ASB2: variants seen among roughly 807,000 people sequenced by gnomAD.
ASB2 encodes the protein ankyrin repeat and SOCS box containing 2, also known as ankyrin repeat and SOCS box protein 2.
ASB2 carries 58 observed loss-of-function variants against 62.4 expected under a neutral mutation model. The observed-to-expected ratio is 0.93, with a 90% CI of 0.75 to 1.16. ASB2 has a LOEUF of 1.16. ASB2 is among the 50% of genes most tolerant of loss of function. The pLI is 0.00. For synonymous variants in ASB2, 386 were observed against 385.3 expected, an observed-to-expected ratio of 1.00 and a Z score of -0.02; for missense variants, 928 against 887.9, an observed-to-expected ratio of 1.05 and a Z score of -0.57.
At chr14:93,968,869 G>GTGAA (rs10682557) in intron 1 of ASB2, among the ~76,000 whole-genome samples, 89,113 of 151,642 alleles carry the variant, frequency 0.59, 27,061 homozygotes, top group East Asian at 0.98. Flanking sequence ...AGATGGACAG[G>GTGAA]TGAATGATAG....
At chr14:93,973,380 A>T (rs934854534) in intron 1 of ASB2, among the ~76,000 whole-genome samples, 1 of 152,186 alleles carries the variant, frequency 6.6e-6, no homozygotes, top group African/African-American at 2.4e-5. Flanking sequence ...TGAGGATGCC[A>T]CTCCAAAAAG....
intron 5 of ASB2, among the ~76,000 whole-genome samples, chr14:93,952,359 G>A (rs773710601): frequency 7.2e-5 from 11 of 152,240 alleles, no homozygotes; most frequent in Non-Finnish European, 1.2e-4. Context: ...TAGCCATGGC[G>A]CCCTGGCAGG....
intron 7 of ASB2, among the ~76,000 whole-genome samples, chr14:93,942,886 T>C (rs1888582600): frequency 6.6e-6 from 1 of 152,220 alleles, no homozygotes; most frequent in Non-Finnish European, 1.5e-5. Flanking sequence ...GTGATAGCTA[T>C]AGCTACCCTT....
chr14:93,968,972 C>T (rs994622986), intron 1 of ASB2, among the ~76,000 whole-genome samples: 2 of 152,242 alleles, frequency 1.3e-5, no homozygotes, highest in Non-Finnish European at 2.9e-5. Context: ...AAATTTCCTA[C>T]CCCACTGTGG....
intron 2 of ASB2, among the ~76,000 whole-genome samples, chr14:93,960,402 GGGT>G (rs1424652690): frequency 6.6e-6 from 1 of 152,218 alleles, no homozygotes; most frequent in East Asian, 1.9e-4. Context: ...GAGTAAGTGT[GGGT>G]GGCTTGATTT....
intron 1 of ASB2, among the ~76,000 whole-genome samples, chr14:93,965,336 A>G (rs1212393490): frequency 6.6e-6 from 1 of 152,256 alleles, no homozygotes; most frequent in Non-Finnish European, 1.5e-5. Context: ...AGGATTGCAT[A>G]CCAGTTACCA....
intron 1 of ASB2, among the ~76,000 whole-genome samples, chr14:93,974,415 C>G (rs1889850557): frequency 6.6e-6 from 1 of 152,248 alleles, no homozygotes; most frequent in Non-Finnish European, 1.5e-5. Context: ...TGACAGCTGG[C>G]TCCTGTGGGC....
chr14:93,951,297 A>C, intron 5 of ASB2, 53 bp from the exon 6 acceptor site: 1 of 1,541,012 alleles, frequency 6.5e-7, no homozygotes, highest in Non-Finnish European at 8.7e-7. Flanking sequence ...GGAACTGGCC[A>C]GCAGAGACTG....
Position 93,964,583 on chromosome 14 carries a change from G to A in ASB2, c.-44C>T. On this transcript the variant is annotated 5_prime_UTR_variant, in exon 2 of 10. Transcript: ENST00000555019. ...CTGGCCTCCAGAACAGACACCCAGT[G>A]GGGAGGAGGGAACAGCAAATCAGAA... 3 of 1,515,764 alleles carry A rather than the reference G, an allele frequency of 2.0e-6. No individual in the cohort carries two copies. The highest frequency in any genetic ancestry group is 2.7e-5 in the African/African-American group (2 of 72,740). 93.9% of individuals were successfully genotyped at this position (1,515,764 alleles called of 1,614,324 possible).
chr14:93,957,278 C>T (rs939343819), intron 2 of ASB2: 43 of 1,130,822 alleles, frequency 3.8e-5, no homozygotes, highest in African/African-American at 6.5e-5. Flanking sequence ...CAGATCCCTG[C>T]GGGGCTGGAT....
In ASB2 at chr14:93,951,170, G is replaced by T. The variant is rs755836168; in HGVS notation, c.709C>A (p.Arg237Ser). 8 of 1,613,910 alleles carry T rather than the reference G, an allele frequency of 5.0e-6. No homozygotes were observed. The highest frequency in any genetic ancestry group is 5.9e-6 in the Non-Finnish European group (7 of 1,179,956). The change falls in exon 6 of 10, where the codon CGC becomes AGC. Residue 237 changes from arginine to serine, a missense_variant. Transcript: ENST00000555019. ...GACTCGTGCAGAGCGGTCCAGCCGC[G>T]GTTGCAGCGGTGGTTGGTGTCTGCA... is the stretch of plus-strand genomic sequence containing the variant. ...HNADTNHRCN[R>S]GWTALHESVS... is the part of the protein sequence containing the mutation.
intron 1 of ASB2, among the ~76,000 whole-genome samples, chr14:93,967,614 C>T (rs1347584715): frequency 1.3e-5 from 2 of 152,234 alleles, no homozygotes; most frequent in African/African-American, 4.8e-5. Flanking sequence ...GCCTCAGTTT[C>T]CTCATTGCAA....
At chr14:93,936,359 T>C (rs1595297188) in intron 9 of ASB2, among the ~76,000 whole-genome samples, 1 of 152,190 alleles carries the variant, frequency 6.6e-6, no homozygotes, top group African/African-American at 2.4e-5. Context: ...CCCTGGGGCA[T>C]GGTTTAGTTG....
At chr14:93,966,879 C>A (rs61980695) in intron 1 of ASB2, among the ~76,000 whole-genome samples, 153 of 152,258 alleles carry the variant, frequency 1.0e-3, no homozygotes, top group Non-Finnish European at 1.7e-3. Flanking sequence ...GAGTTGAGAA[C>A]CCCTGCTCAA....
At chr14:93,953,260 G>T in intron 5 of ASB2, 92 bp downstream of exon 5, 1 of 1,144,464 alleles carries the variant, frequency 8.7e-7, no homozygotes, top group Non-Finnish European at 1.2e-6. Context: ...CCACGTTGGG[G>T]GTTATGCACT....
chr14:93,938,364 C>A (rs879605199), intron 8 of ASB2, among the ~76,000 whole-genome samples: 2 of 150,898 alleles, frequency 1.3e-5, no homozygotes, highest in Non-Finnish European at 2.9e-5. Flanking sequence ...CTTAGCCTCC[C>A]GAGCACCTGG....
intron 4 of ASB2, among the ~76,000 whole-genome samples, chr14:93,953,818 C>T (rs904926936): frequency 6.6e-6 from 1 of 152,148 alleles, no homozygotes; most frequent in African/African-American, 2.4e-5. Context: ...GCCATGGTTT[C>T]TTGGAGTGTC....
chr14:93,938,811 C>T (rs534631158), intron 8 of ASB2, among the ~76,000 whole-genome samples: 14 of 152,302 alleles, frequency 9.2e-5, no homozygotes, highest in African/African-American at 3.4e-4. Context: ...GTTCTGCGGC[C>T]TCTTAAGTGT....
rs905253804 is a variant in ASB2 at position 93,934,738 on chromosome 14, C to A, written c.1826G>T (p.Gly609Val). 1.4e-5 allele frequency: 22 copies of A among 1,613,662 alleles called. No homozygotes were observed. Among genetic ancestry groups the A allele is most frequent in the Non-Finnish European group, 1.8e-5 (21 of 1,179,696 alleles). ...GTCTAGGAGTTTTATACGGTATTTC[C>A]CAATGGCCTTTCGAACCCGCAGTCG... ...LCRLRVRKAI[G>V]KYRIKLLDTL... Residue 609 changes from glycine to valine, a missense_variant, in exon 10 of 10, where the codon GGG becomes GTG. By Grantham distance (109) the Gly-to-Val change is moderately radical. Coordinates refer to ENST00000555019, the MANE Select transcript of ASB2 (RefSeq NM_001202429.2).
Sources: gnomAD v4.1 joint callset for allele counts (sites outside exome capture counted in the v4.1 genomes callset) on GRCh38, gnomAD v4.1.1 for gene constraint, MANE v1.5 for transcripts, NCBI Gene and HGNC (gene_info 2026-07-23, HGNC 2026-07-21) for gene names.